Variants in ASAP1 observed in about 807,000 individuals in gnomAD.
The protein encoded by ASAP1 is arf-GAP with SH3 domain, ANK repeat and PH domain-containing protein 1.
In ASAP1, 43 loss-of-function variants were observed where a neutral mutation model predicts 145.2. The ratio of observed to expected loss-of-function variants is 0.30; its 90% confidence interval spans 0.23 to 0.38. ASAP1 has a LOEUF of 0.38. Ranked by LOEUF, ASAP1 falls within the 10% of genes least tolerant of loss-of-function variation. ASAP1 has a pLI of 1.00. For missense variants in ASAP1, 1,018 were observed against 1,355.3 expected (o/e 0.75, Z 3.91); for synonymous variants, 546 against 515.5 (o/e 1.06, Z -0.80).
intron 5 of ASAP1, among the ~76,000 whole-genome samples, chr8:130,212,186 T>C (rs977134113): frequency 2.0e-5 from 3 of 152,230 alleles, no homozygotes; most frequent in Non-Finnish European, 4.4e-5. Flanking sequence ...TCAATCAGAA[T>C]AATGTTTTCT....
At chr8:130,372,655 A>G (rs1232733786) in intron 2 of ASAP1, among the ~76,000 whole-genome samples, 3 of 152,196 alleles carry the variant, frequency 2.0e-5, no homozygotes, top group Admixed American at 6.5e-5. Context: ...AGATTTTTCC[A>G]CAGTTTTTTT....
chr8:130,329,529 G>A (rs1303464030), intron 3 of ASAP1, among the ~76,000 whole-genome samples: 1 of 152,100 alleles, frequency 6.6e-6, no homozygotes, highest in African/African-American at 2.4e-5. Context: ...CGTAGAAAGT[G>A]GCATGGGTGG....
intron 5 of ASAP1, among the ~76,000 whole-genome samples, chr8:130,193,128 G>A (rs1231009283): frequency 2.0e-5 from 3 of 152,170 alleles, no homozygotes; most frequent in Admixed American, 6.5e-5. Flanking sequence ...CAGCATTTTG[G>A]GAGGCCGAGG....
At chr8:130,412,657 CT>C (rs879795514) in intron 1 of ASAP1, among the ~76,000 whole-genome samples, 591 of 145,296 alleles carry the variant, frequency 4.1e-3, no homozygotes, top group Non-Finnish European at 5.1e-3. Context: ...TTCTTTTCTT[CT>C]TTTTTTTTTT....
chr8:130,223,637 T>C (rs559117547), intron 4 of ASAP1, among the ~76,000 whole-genome samples: 10 of 152,174 alleles, frequency 6.6e-5, no homozygotes, highest in Non-Finnish European at 1.5e-4. Context: ...ACCTACTTGA[T>C]GGGGTTATTA....
chr8:130,306,456 T>G (rs1822998583), intron 3 of ASAP1, among the ~76,000 whole-genome samples: 1 of 152,160 alleles, frequency 6.6e-6, no homozygotes, highest in South Asian at 2.1e-4. Flanking sequence ...AGCCACAAAA[T>G]CAATTCAAAG....
chr8:130,075,854 C>A (rs745605963), intron 27 of ASAP1, among the ~76,000 whole-genome samples: 1 of 152,166 alleles, frequency 6.6e-6, no homozygotes, highest in Non-Finnish European at 1.5e-5. Flanking sequence ...ACAACAGATG[C>A]CATCCTAGGG....
chr8:130,078,013 AC>A, intron 26 of ASAP1, among the ~76,000 whole-genome samples: 1 of 148,088 alleles, frequency 6.8e-6, no homozygotes, highest in Middle Eastern at 3.7e-3. Flanking sequence ...TTTTTTTGAG[AC>A]GAAGTCTCGC....
intron 27 of ASAP1, among the ~76,000 whole-genome samples, chr8:130,066,765 T>C (rs2135135831): frequency 6.6e-6 from 1 of 152,274 alleles, no homozygotes; most frequent in East Asian, 1.9e-4. Flanking sequence ...GCAAGTGCCC[T>C]CAGAGAACTT....
intron 1 of ASAP1, among the ~76,000 whole-genome samples, chr8:130,403,750 C>T (rs1228123163): frequency 6.6e-6 from 1 of 151,916 alleles, no homozygotes; most frequent in African/African-American, 2.4e-5. Flanking sequence ...GACAGGGTTT[C>T]GCCATGTCGA....
intron 5 of ASAP1, among the ~76,000 whole-genome samples, chr8:130,197,045 C>T (rs542724997): frequency 7.7e-4 from 117 of 152,354 alleles, no homozygotes; most frequent in African/African-American, 2.7e-3. Context: ...TCACTCCCGG[C>T]CTGCGTGAAC....
rs1447393827 is a variant in ASAP1, at chr8:130,052,181, C to T, written c.*2550G>A. 1 of 152,590 alleles carries T rather than the reference C, an allele frequency of 6.6e-6. No individual in the cohort carries two copies. Among genetic ancestry groups the T allele is most frequent in the Admixed American group, 6.5e-5 (1 of 15,288 alleles). The allele number at this position is 152,590 out of a possible 1,614,324, so 9.5% of individuals were successfully genotyped here. Reference sequence around the variant, plus strand: ...AAAGTAGAAATTAACACATACAGTACTGAAAAACTGTCACATTAAACACAT... The same window carrying T: ...AAAGTAGAAATTAACACATACAGTATTGAAAAACTGTCACATTAAACACAT... On this transcript the variant is annotated 3_prime_UTR_variant, in exon 30 of 30. Coordinates refer to ENST00000518721, the MANE Select transcript of ASAP1 (RefSeq NM_018482.4).
At chr8:130,434,335 A>T (rs1442906231) in intron 1 of ASAP1, among the ~76,000 whole-genome samples, 3 of 152,118 alleles carry the variant, frequency 2.0e-5, no homozygotes, top group Non-Finnish European at 2.9e-5. Flanking sequence ...ACCTTGTCTC[A>T]AAAAAGAAAA....
At chr8:130,357,024 G>C (rs1042308969) in intron 3 of ASAP1, among the ~76,000 whole-genome samples, 2 of 152,148 alleles carry the variant, frequency 1.3e-5, no homozygotes, top group Non-Finnish European at 2.9e-5. Flanking sequence ...TGTTTGAAGG[G>C]GAGGGATGCT....
intron 3 of ASAP1, among the ~76,000 whole-genome samples, chr8:130,310,953 C>CAG (rs1823304382): frequency 1.3e-5 from 2 of 152,228 alleles, no homozygotes; most frequent in Admixed American, 6.5e-5. Context: ...GGGCCAGTAT[C>CAG]TACTAAGGCG....
At chr8:130,091,430 G>A (rs1343126454) in intron 25 of ASAP1, among the ~76,000 whole-genome samples, 4 of 152,154 alleles carry the variant, frequency 2.6e-5, no homozygotes, top group Admixed American at 2.6e-4. Flanking sequence ...GGCAGAGGAT[G>A]GTGTATCCAA....
intron 1 of ASAP1, among the ~76,000 whole-genome samples, chr8:130,437,228 TTGCTGGGCACTG>T (rs56221838): frequency 1.8e-3 from 270 of 152,362 alleles, no homozygotes; most frequent in Non-Finnish European, 2.9e-3. Flanking sequence ...TGCCTGTCAT[TTGCTGGGCACTG>T]TGCTGGGCAC....
intron 3 of ASAP1, among the ~76,000 whole-genome samples, chr8:130,284,934 G>A (rs1821515302): frequency 6.6e-6 from 1 of 151,696 alleles, no homozygotes; most frequent in African/African-American, 2.4e-5. Context: ...ATACACTCAT[G>A]AGTGGGTGGC....
At chr8:130,414,756 ACT>A (rs1480491224) in intron 1 of ASAP1, among the ~76,000 whole-genome samples, 1 of 147,318 alleles carries the variant, frequency 6.8e-6, no homozygotes, top group Non-Finnish European at 1.5e-5. Flanking sequence ...CACTTCTATA[ACT>A]CTTTTTTTTT....
Sources: allele counts gnomAD v4.1 joint callset (sites outside exome capture counted in the v4.1 genomes callset), GRCh38; gene constraint gnomAD v4.1.1; transcripts MANE v1.5; gene names NCBI Gene and HGNC (gene_info 2026-07-23, HGNC 2026-07-21).